Variants in TENM1 observed in about 807,000 individuals in gnomAD.
TENM1 encodes teneurin-1.
In TENM1, 35 loss-of-function variants were observed where a neutral mutation model predicts 174.8. That is an observed-to-expected ratio of 0.20 (90% CI 0.15 to 0.27). The LOEUF is 0.27. TENM1 is among the 10% of genes least tolerant of loss of function. The pLI, the probability that TENM1 is intolerant of heterozygous loss-of-function variation, is 1.00. For missense variants in TENM1, 1,633 were observed against 2,130.1 expected, an observed-to-expected ratio of 0.77 and a Z score of 4.59; for synonymous variants, 781 against 798.7, an observed-to-expected ratio of 0.98 and a Z score of 0.37.
At chrX:124,429,806 G>C (rs1346344623) in intron 23 of TENM1, among the ~76,000 whole-genome samples, 1 of 111,874 alleles carries the variant, frequency 8.9e-6, no homozygotes, top group Non-Finnish European at 1.9e-5. Flanking sequence ...CAGCATCCCT[G>C]ACTTTTACAC....
chrX:125,165,809 A>T, the TENM1 span, among the ~76,000 whole-genome samples: 1 of 111,703 alleles, frequency 9.0e-6, no homozygotes, highest in African/African-American at 3.2e-5. Flanking sequence ...TCAAGCCATC[A>T]TGGTTGGCCT....
At chrX:124,730,220 T>C (rs1013820558) in intron 4 of TENM1, among the ~76,000 whole-genome samples, 1 of 111,679 alleles carries the variant, frequency 9.0e-6, no homozygotes, top group Admixed American at 9.5e-5. Flanking sequence ...AATGATGTTG[T>C]ATATGTTTAC....
chrX:124,583,062 C>T (rs2049372968), intron 11 of TENM1, among the ~76,000 whole-genome samples: 1 of 112,193 alleles, frequency 8.9e-6, no homozygotes, highest in Admixed American at 9.3e-5. Flanking sequence ...CACCACAGCT[C>T]AAGGAGGCCT....
At chrX:124,803,769 T>C (rs2055516413) in intron 3 of TENM1, among the ~76,000 whole-genome samples, 1 of 112,071 alleles carries the variant, frequency 8.9e-6, no homozygotes, top group South Asian at 3.7e-4. Flanking sequence ...AAAGGACAAA[T>C]CAAAATAATC....
chrX:124,839,526 G>A (rs899845219), intron 3 of TENM1, among the ~76,000 whole-genome samples: 2 of 111,485 alleles, frequency 1.8e-5, no homozygotes, highest in African/African-American at 6.5e-5. Context: ...GTATGTGTGC[G>A]TGTGTGTGTT....
At chrX:124,390,195 T>G (rs1012593372) in intron 28 of TENM1, among the ~76,000 whole-genome samples, 2 of 112,382 alleles carry the variant, frequency 1.8e-5, no homozygotes, top group Non-Finnish European at 3.8e-5. Flanking sequence ...TTAAGTAAAT[T>G]TGATGGAATA....
At chrX:125,030,304 C>T in the TENM1 span, among the ~76,000 whole-genome samples, 1 of 111,941 alleles carries the variant, frequency 8.9e-6, no homozygotes, top group Non-Finnish European at 1.9e-5. Flanking sequence ...ATACATCTCT[C>T]ATTCTTTACC....
chrX:124,636,478 T>C (rs2050881283), intron 11 of TENM1, among the ~76,000 whole-genome samples: 1 of 112,217 alleles, frequency 8.9e-6, no homozygotes, highest in Non-Finnish European at 1.9e-5. Context: ...TAGTGATCTT[T>C]TTTCTTTGTG....
At chrX:124,568,544 C>A (rs777768175) in intron 11 of TENM1, among the ~76,000 whole-genome samples, 19 of 111,806 alleles carry the variant, frequency 1.7e-4, no homozygotes, top group African/African-American at 5.8e-4. Context: ...TTATATTATT[C>A]GGGAGTTAGG....
At chrX:124,830,328 C>A (rs1209681977) in intron 3 of TENM1, among the ~76,000 whole-genome samples, 2 of 111,556 alleles carry the variant, frequency 1.8e-5, no homozygotes, top group Non-Finnish European at 3.8e-5. Context: ...AAACATTTGA[C>A]ACAGAACAGG....
chrX:125,105,871 A>C, the TENM1 span, among the ~76,000 whole-genome samples: 1 of 112,008 alleles, frequency 8.9e-6, no homozygotes, highest in Non-Finnish European at 1.9e-5. Flanking sequence ...CTTTCCTTGG[A>C]ATCAAATTTA....
the TENM1 span, among the ~76,000 whole-genome samples, chrX:125,086,508 T>G: frequency 5.4e-5 from 6 of 111,045 alleles, no homozygotes; most frequent in Non-Finnish European, 9.5e-5. Flanking sequence ...CGAAAAAAAT[T>G]TGGTAGTTCT....
intron 3 of TENM1, among the ~76,000 whole-genome samples, chrX:124,828,712 C>A (rs2056222771): frequency 9.0e-6 from 1 of 111,664 alleles, no homozygotes; most frequent in Non-Finnish European, 1.9e-5. Flanking sequence ...TGTAAAAAAT[C>A]ATTATTAAAG....
At chrX:124,826,698 C>T (rs138092125) in intron 3 of TENM1, among the ~76,000 whole-genome samples, 538 of 111,582 alleles carry the variant, frequency 4.8e-3, no homozygotes, top group Non-Finnish European at 6.6e-3. Context: ...AATAGTTTCC[C>T]CCCTTGCATT....
the TENM1 span, among the ~76,000 whole-genome samples, chrX:125,052,006 C>A: frequency 9.0e-6 from 1 of 110,730 alleles, no homozygotes; most frequent in Non-Finnish European, 1.9e-5. Context: ...AAGAAAAAAA[C>A]AAACAACCCC....
chrX:124,667,316 A>G (rs2051793224), intron 6 of TENM1, among the ~76,000 whole-genome samples: 1 of 111,442 alleles, frequency 9.0e-6, no homozygotes, highest in Non-Finnish European at 1.9e-5. Context: ...TAGGCCAGGC[A>G]CAGTGGCTCA....
At chrX:124,511,138 G>A (rs943187942) in intron 18 of TENM1, among the ~76,000 whole-genome samples, 2 of 112,081 alleles carry the variant, frequency 1.8e-5, no homozygotes, top group Non-Finnish European at 3.8e-5. Context: ...GATGAAAATT[G>A]AGTTGTAGTT....
At chrX:125,152,851 T>C in the TENM1 span, among the ~76,000 whole-genome samples, 1 of 112,065 alleles carries the variant, frequency 8.9e-6, no homozygotes, top group African/African-American at 3.2e-5. Flanking sequence ...GGTGTGTCTT[T>C]AAATCCCAAA....
chrX:124,557,153 G>C (rs976381558), intron 14 of TENM1, among the ~76,000 whole-genome samples: 1 of 111,669 alleles, frequency 9.0e-6, no homozygotes, highest in South Asian at 3.8e-4. Flanking sequence ...GTGCTGTCTA[G>C]TACAGTAGCT....
Sources: gnomAD v4.1 joint callset for allele counts (sites outside exome capture counted in the v4.1 genomes callset) on GRCh38, gnomAD v4.1.1 for gene constraint, MANE v1.5 for transcripts, NCBI Gene and HGNC (gene_info 2026-07-23, HGNC 2026-07-21) for gene names.